The following TENM2 variants were observed in gnomAD, a reference collection of about 807,000 sequenced individuals.
The protein encoded by TENM2 is teneurin transmembrane protein 2, also known as teneurin-2.
In TENM2, 52 loss-of-function variants were observed where a neutral mutation model predicts 245.2. The ratio of observed to expected loss-of-function variants is 0.21; its 90% CI spans 0.17 to 0.27. The LOEUF is 0.27. Ranked by LOEUF, TENM2 falls within the 10% of genes least tolerant of loss-of-function variation. The pLI is 1.00. For synonymous variants in TENM2, 1,363 were observed against 1,438.9 expected, an observed-to-expected ratio of 0.95 and a Z score of 1.19; for missense variants, 3,046 against 3,666.8, an observed-to-expected ratio of 0.83 and a Z score of 4.37.
chr5:167,498,494 CA>C (rs1330189217), intron 2 of TENM2, among the ~76,000 whole-genome samples: 3 of 152,090 alleles, frequency 2.0e-5, no homozygotes, highest in Non-Finnish European at 4.4e-5. Context: ...CCTGCTCAAC[CA>C]AAAAGGTCTC....
rs555507241 is a variant in TENM2, at chr5:167,544,471, A to G, written c.502+168998A>G. Among the ~76,000 whole-genome samples, 5 of 152,314 alleles carry G rather than the reference A, an allele frequency of 3.3e-5. No homozygotes were observed. The South Asian group carries it at 6.2e-4, about 19-fold the overall frequency. On this transcript the variant is annotated intron_variant, in intron 2 of 28. Transcript: ENST00000518659. ...CATTGAGAGCTACAATGGGATTTCA[A>G]TTGTGTAAAGGGATGTTTTTACATC...
chr5:167,236,825 A>G, the TENM2 span, among the ~76,000 whole-genome samples: 1 of 151,910 alleles, frequency 6.6e-6, no homozygotes, highest in African/African-American at 2.4e-5. Context: ...GTTCTTTTCC[A>G]TACCACTGGC....
chr5:168,086,840 G>A lies in TENM2; in HGVS notation c.1516-3734G>A, dbSNP rs761672100. Reference sequence around the variant, plus strand: ...AATTCCCAGTGTTGAGGGATGAAAAGGAAACTCTGGCCAGGGCCTGAGCTT... The same window carrying A: ...AATTCCCAGTGTTGAGGGATGAAAAAGAAACTCTGGCCAGGGCCTGAGCTT... On this transcript the variant is annotated intron_variant, in intron 7 of 28. Transcript: ENST00000518659. Among the ~76,000 whole-genome samples, 11 of 152,202 alleles carry A rather than the reference G, an allele frequency of 7.2e-5. 1 individual carries two copies. The highest frequency in any genetic ancestry group is 2.2e-4 in the African/African-American group (9 of 41,446).
chr5:167,801,555 T>C (rs543144670), intron 2 of TENM2, among the ~76,000 whole-genome samples: 4 of 151,992 alleles, frequency 2.6e-5, no homozygotes, highest in African/African-American at 9.7e-5. Context: ...ATAAACAAAG[T>C]CCCATGTTGG....
intron 2 of TENM2, among the ~76,000 whole-genome samples, chr5:167,673,056 G>T (rs1469567633): frequency 6.6e-6 from 1 of 151,874 alleles, no homozygotes; most frequent in Non-Finnish European, 1.5e-5. Context: ...TATCTTTAAG[G>T]CTTTGTATAA....
At chr5:167,552,308 T>A (rs1772999301) in intron 2 of TENM2, among the ~76,000 whole-genome samples, 1 of 152,202 alleles carries the variant, frequency 6.6e-6, no homozygotes, top group African/African-American at 2.4e-5. Context: ...GTAGTCCTTT[T>A]TCAGTACATC....
At chr5:167,084,347 A>ATG in the TENM2 span, among the ~76,000 whole-genome samples, 5 of 103,744 alleles carry the variant, frequency 4.8e-5, no homozygotes, top group African/African-American at 1.6e-4. Flanking sequence ...ATATATATAT[A>ATG]TATATATATA....
rs72349867 is a variant in TENM2 at position 167,526,360 on chromosome 5, GCACACACACA to G, written c.502+150912_502+150921del. Among the ~76,000 whole-genome samples the G allele has an allele frequency of 1.9e-4, 27 of 144,154 alleles. 1 individual carries two copies. The highest frequency in any genetic ancestry group is 1.2e-3 in the East Asian group (6 of 4,834). 94.6% of individuals were successfully genotyped at this position (144,154 alleles called of 152,430 possible). A position where few individuals can be genotyped will look rare whatever the true frequency, so the allele number is the denominator to read the frequency against. On this transcript the variant is annotated intron_variant, in intron 2 of 28. Coordinates refer to ENST00000518659, the Ensembl canonical transcript of TENM2. The stretch of plus-strand genomic sequence containing the variant: ...CCTATCATTATCTGTTTAAGAAATA[GCACACACACA>G]CACACACACACACACACACACACAG...
intron 2 of TENM2, among the ~76,000 whole-genome samples, chr5:167,445,221 G>A (rs1007126261): frequency 1.3e-5 from 2 of 151,300 alleles, no homozygotes; most frequent in Non-Finnish European, 2.9e-5. Flanking sequence ...ATTGTCTAGA[G>A]CATTCATCAT....
chr5:166,984,115 G>A, the TENM2 span, among the ~76,000 whole-genome samples: 1 of 152,140 alleles, frequency 6.6e-6, no homozygotes, highest in African/African-American at 2.4e-5. Context: ...CTGTTAATAT[G>A]ACTTTTGTAA....
the TENM2 span, among the ~76,000 whole-genome samples, chr5:167,255,137 T>G: frequency 6.6e-6 from 1 of 151,788 alleles, no homozygotes. Flanking sequence ...TTTGTGTGCC[T>G]TGAGCTGTAC....
At chr5:167,287,437 A>C (rs1754352695) in intron 1 of TENM2, 1 of 152,228 alleles carries the variant, frequency 6.6e-6, no homozygotes, top group Admixed American at 6.5e-5. Flanking sequence ...CATCTCTTGC[A>C]GTATTCTTAT....
intron 2 of TENM2, among the ~76,000 whole-genome samples, chr5:167,661,264 T>C (rs771176549): frequency 7.9e-5 from 12 of 152,200 alleles, no homozygotes; most frequent in Non-Finnish European, 1.6e-4. Flanking sequence ...ACCAGCCCCT[T>C]CAAATGTTTT....
chr5:167,762,470 C>T (rs114733127), intron 2 of TENM2, among the ~76,000 whole-genome samples: 2,807 of 152,236 alleles, frequency 0.018, 70 homozygotes, highest in African/African-American at 0.061. Context: ...TCGTTATTTT[C>T]GTCTATTTCT....
At chr5:167,107,192 G>A in the TENM2 span, among the ~76,000 whole-genome samples, 1 of 151,918 alleles carries the variant, frequency 6.6e-6, no homozygotes, top group Non-Finnish European at 1.5e-5. Context: ...AACCAGGGAG[G>A]CAGAGGTTGC....
chr5:167,575,004 T>G (rs1774541294), intron 2 of TENM2, among the ~76,000 whole-genome samples: 1 of 152,124 alleles, frequency 6.6e-6, no homozygotes, highest in Non-Finnish European at 1.5e-5. Context: ...TTGCTACTTC[T>G]GTTGTTTTAA....
chr5:168,169,284 T>C (rs1758585864), intron 13 of TENM2, among the ~76,000 whole-genome samples: 1 of 152,166 alleles, frequency 6.6e-6, no homozygotes, highest in African/African-American at 2.4e-5. Flanking sequence ...GTTACTGCAG[T>C]TCCCTCTCTA....
intron 2 of TENM2, among the ~76,000 whole-genome samples, chr5:167,701,916 C>A (rs1247039790): frequency 6.6e-6 from 1 of 152,112 alleles, no homozygotes; most frequent in African/African-American, 2.4e-5. Flanking sequence ...AAATATGTCT[C>A]TTTAAATGTT....
the TENM2 span, among the ~76,000 whole-genome samples, chr5:167,174,948 C>T: frequency 5.3e-5 from 8 of 151,538 alleles, no homozygotes; most frequent in Admixed American, 3.9e-4. Flanking sequence ...TGGCTAATTT[C>T]GCTTAGCACA....
Sources: allele counts gnomAD v4.1 joint callset (sites outside exome capture counted in the v4.1 genomes callset), GRCh38; gene constraint gnomAD v4.1.1; transcripts MANE v1.5; gene names NCBI Gene and HGNC (gene_info 2026-07-23, HGNC 2026-07-21).